Variants in ZNF565 observed in about 807,000 individuals in gnomAD.
ZNF565 encodes zinc finger protein 565.
A neutral mutation model predicts 39.4 loss-of-function variants in ZNF565; 27 were observed. The ratio of observed to expected loss-of-function variants is 0.69; its 90% CI spans 0.51 to 0.95. The LOEUF is 0.95. Ranked by LOEUF, ZNF565 falls within the 40% of genes least tolerant of loss-of-function variation. The pLI is 0.00. For missense variants in ZNF565, 524 were observed against 621.1 expected (o/e 0.84, Z 1.66); for synonymous variants, 185 against 216.6 (o/e 0.85, Z 1.28).
At chr19:36,195,833 G>A (rs566196054) in intron 2 of ZNF565, among the ~76,000 whole-genome samples, 7 of 143,440 alleles carry the variant, frequency 4.9e-5, no homozygotes, top group Non-Finnish European at 9.2e-5. Context: ...CGTGAGCCCC[G>A]TGCCCAGCCC....
At chr19:36,217,501 CTT>C (rs1976661152), upstream of ZNF565, among the ~76,000 whole-genome samples, 1 of 152,026 alleles carries the variant, frequency 6.6e-6, no homozygotes, top group African/African-American at 2.4e-5. Context: ...GGAGGAAGCT[CTT>C]TATATACTGA....
At chr19:36,185,716 A>ATTTTT (rs201279241) in intron 4 of ZNF565, among the ~76,000 whole-genome samples, 2 of 125,118 alleles carry the variant, frequency 1.6e-5, no homozygotes, top group Non-Finnish European at 3.3e-5. Flanking sequence ...CTCACTCTCT[A>ATTTTT]TTTTTTTTTT....
At chr19:36,233,335 GCACCAC>G (rs1397625624) in intron 1 of ZNF565, among the ~76,000 whole-genome samples, 1 of 152,160 alleles carries the variant, frequency 6.6e-6, no homozygotes, top group Non-Finnish European at 1.5e-5. Context: ...AGTCGAGATC[GCACCAC>G]TGCACACCAG....
intron 2 of ZNF565, 49 bp from the exon 3 acceptor site, chr19:36,195,205 TTTA>T: frequency 6.4e-7 from 1 of 1,569,552 alleles, no homozygotes; most frequent in South Asian, 1.2e-5. Flanking sequence ...ACTTTTTTCA[TTTA>T]TTATGAAAAT....
rs1229625965 is a variant in ZNF565 at position 36,211,449 on chromosome 19, T to TCTCTCA, written c.-66+3172_-66+3173insTGAGAG. Among the ~76,000 whole-genome samples, 946 of 137,764 alleles carry TCTCTCA rather than the reference T, an allele frequency of 6.9e-3. 6 individuals carry two copies. The highest frequency in any genetic ancestry group is 0.011 in the Non-Finnish European group (716 of 64,358). The allele number at this position is 137,764 out of a possible 152,430, so 90.4% of individuals were successfully genotyped here. A position where few individuals can be genotyped will look rare whatever the true frequency, so the allele number is the denominator to read the frequency against. ...ACAAGAGCCAAACTCCAACTCTCTC[T>TCTCTCA]CACACACACACACACACACACACAC... On this transcript the variant is annotated intron_variant, in intron 1 of 4. Transcript: ENST00000304116.
intron 1 of ZNF565, chr19:36,237,788 G>A (rs1011537495): frequency 1.2e-5 from 2 of 167,188 alleles, no homozygotes; most frequent in African/African-American, 4.8e-5. Context: ...TTTGGAATAT[G>A]ATACAAGTGG....
At chr19:36,235,687 A>AGAGAGGCACCAGGACTT (rs1371679863) in intron 1 of ZNF565, 3 of 152,280 alleles carry the variant, frequency 2.0e-5, no homozygotes, top group Non-Finnish European at 2.9e-5. Flanking sequence ...ATGCACAGAT[A>AGAGAGGCACCAGGACTT]GAGAGGCACC....
chr19:36,241,800 AAAAG>A (rs1259680294), intron 1 of ZNF565, among the ~76,000 whole-genome samples: 3 of 150,132 alleles, frequency 2.0e-5, no homozygotes, highest in Admixed American at 6.7e-5. Flanking sequence ...AAAAAAAAAA[AAAAG>A]CTGGGACAAT....
upstream of ZNF565, chr19:36,218,272 G>A (rs926808248): frequency 1.3e-5 from 2 of 151,880 alleles, no homozygotes; most frequent in African/African-American, 4.8e-5. Flanking sequence ...TCAAAGGGTG[G>A]TTGTGTAGCT....
intron 1 of ZNF565, among the ~76,000 whole-genome samples, chr19:36,206,244 G>T (rs1043464447): frequency 6.6e-6 from 1 of 152,050 alleles, no homozygotes; most frequent in South Asian, 2.1e-4. Flanking sequence ...TACAGGTGTG[G>T]GCCATTGTGT....
At chr19:36,187,656 G>A (rs555120713) in intron 4 of ZNF565, among the ~76,000 whole-genome samples, 4 of 125,772 alleles carry the variant, frequency 3.2e-5, no homozygotes, top group Non-Finnish European at 3.4e-5. Context: ...GTGCCCGGCC[G>A]AGACAGAGTC....
chr19:36,207,085 C>A (rs558240210), intron 1 of ZNF565, among the ~76,000 whole-genome samples: 6 of 152,204 alleles, frequency 3.9e-5, no homozygotes, highest in African/African-American at 1.2e-4. Flanking sequence ...AGGAAGGAGA[C>A]AAGGGCAGCT....
chr19:36,194,827 C>T (rs1975697696), intron 3 of ZNF565: 2 of 728,606 alleles, frequency 2.7e-6, no homozygotes, highest in Admixed American at 4.3e-5. Context: ...TTCTTACCCT[C>T]CTCTCTCCCT....
intron 1 of ZNF565, among the ~76,000 whole-genome samples, chr19:36,223,688 A>T (rs62113113): frequency 1.2e-4 from 1 of 8,542 alleles, no homozygotes; most frequent in African/African-American, 4.2e-4. Context: ...TATGGTTATC[A>T]GACTTTTCCA....
intron 1 of ZNF565, among the ~76,000 whole-genome samples, chr19:36,227,452 C>T (rs889085608): frequency 1.3e-5 from 2 of 150,106 alleles, no homozygotes; most frequent in African/African-American, 4.9e-5. Context: ...TAGGCATGAT[C>T]ATGTATTTGC....
At chr19:36,190,075 C>T (rs1013732141) in intron 4 of ZNF565, among the ~76,000 whole-genome samples, 2 of 151,766 alleles carry the variant, frequency 1.3e-5, no homozygotes, top group African/African-American at 4.8e-5. Flanking sequence ...CTCAAGTGAT[C>T]CACCTACTGG....
chr19:36,186,604 A>G (rs957768312), intron 4 of ZNF565, among the ~76,000 whole-genome samples: 4 of 151,980 alleles, frequency 2.6e-5, no homozygotes, highest in Non-Finnish European at 2.9e-5. Flanking sequence ...ACTGGGCAAC[A>G]TGGTGCAACC....
At chr19:36,226,884 G>C (rs1051602082) in intron 1 of ZNF565, among the ~76,000 whole-genome samples, 1 of 151,394 alleles carries the variant, frequency 6.6e-6, no homozygotes, top group Non-Finnish European at 1.5e-5. Flanking sequence ...TCGGGAGTTT[G>C]GGAGTTCAGC....
intron 1 of ZNF565, among the ~76,000 whole-genome samples, chr19:36,241,118 T>C (rs1157461830): frequency 6.6e-6 from 1 of 152,168 alleles, no homozygotes; most frequent in Non-Finnish European, 1.5e-5. Flanking sequence ...CCAACACAAA[T>C]CAATTGATAC....
Sources: allele counts gnomAD v4.1 joint callset (sites outside exome capture counted in the v4.1 genomes callset), GRCh38; gene constraint gnomAD v4.1.1; transcripts MANE v1.5; gene names NCBI Gene and HGNC (gene_info 2026-07-23, HGNC 2026-07-21).